TNR: variants seen among roughly 807,000 people sequenced by gnomAD.
TNR encodes the protein tenascin R.
In TNR, 45 loss-of-function variants were observed where a neutral mutation model predicts 150.4. The observed-to-expected ratio is 0.30, with a 90% CI of 0.24 to 0.38. TNR has a LOEUF of 0.38. Ranked by LOEUF, TNR falls within the 10% of genes least tolerant of loss-of-function variation. The pLI, the probability that TNR is intolerant of heterozygous loss-of-function variation, is 1.00. For missense variants in TNR, 1,544 were observed against 1,759.1 expected (o/e 0.88, Z 2.19); for synonymous variants, 687 against 678.4 (o/e 1.01, Z -0.20).
chr1:175,684,625 A>G lies in TNR; in HGVS notation c.-165+58601T>C, dbSNP rs558057573. On this transcript the variant is annotated intron_variant, in intron 1 of 22. Coordinates refer to ENST00000367674, the MANE Select transcript of TNR (RefSeq NM_003285.3). ...AATTTTCCTGCCACACCACCCTGCC[A>G]CAATCCAAAGAGACCCAGTATGAAT... Among the ~76,000 whole-genome samples, 31 of 152,300 alleles carry G rather than the reference A, an allele frequency of 2.0e-4. 2 individuals are homozygous for G. In the South Asian group the frequency reaches 6.4e-3, roughly 32 times the overall value.
intron 1 of TNR, among the ~76,000 whole-genome samples, chr1:175,575,447 C>G (rs907949637): frequency 2.6e-5 from 4 of 152,204 alleles, no homozygotes; most frequent in East Asian, 3.8e-4. Context: ...TAGAAGCATT[C>G]ATGGGTACTC....
At chr1:175,406,098 G>T in intron 3 of TNR, 118 bp downstream of exon 3, 1 of 1,359,972 alleles carries the variant, frequency 7.4e-7, no homozygotes, top group South Asian at 1.4e-5. Flanking sequence ...GAGATGCCGG[G>T]GTTTTGCTGG....
At chr1:175,491,642 C>CTTTTTTTTT (rs60469855) in intron 2 of TNR, among the ~76,000 whole-genome samples, 2 of 85,162 alleles carry the variant, frequency 2.3e-5, no homozygotes, top group East Asian at 3.3e-4. Context: ...CAGGCCCAGA[C>CTTTTTTTTT]TTTTTTTTTT....
chr1:175,429,290 T>A (rs1340826610), intron 2 of TNR, among the ~76,000 whole-genome samples: 2 of 152,218 alleles, frequency 1.3e-5, no homozygotes, highest in Non-Finnish European at 2.9e-5. Flanking sequence ...TATGTAAATA[T>A]AGATTTAGAA....
At chr1:175,563,162 C>T (rs950899249) in intron 1 of TNR, among the ~76,000 whole-genome samples, 7 of 152,178 alleles carry the variant, frequency 4.6e-5, no homozygotes, top group African/African-American at 1.7e-4. Context: ...TCTTTTCCTT[C>T]TTTTAAAGTA....
At chr1:175,344,205 C>G (rs548593824) in intron 18 of TNR, among the ~76,000 whole-genome samples, 2 of 152,148 alleles carry the variant, frequency 1.3e-5, no homozygotes, top group African/African-American at 4.8e-5. Flanking sequence ...TGAATGCAGA[C>G]GAAGGGATGG....
At chr1:175,594,095 C>T (rs1041003245) in intron 1 of TNR, among the ~76,000 whole-genome samples, 5 of 152,134 alleles carry the variant, frequency 3.3e-5, no homozygotes, top group African/African-American at 1.2e-4. Context: ...TTGTTATCTT[C>T]CCAGAGTTCC....
At chr1:175,324,838 G>A (rs967521396) in intron 21 of TNR, among the ~76,000 whole-genome samples, 8 of 152,060 alleles carry the variant, frequency 5.3e-5, no homozygotes, top group African/African-American at 1.9e-4. Context: ...GTGGACACAG[G>A]CCACTCATGG....
At chr1:175,333,324 AAT>A (rs1187474394) in intron 20 of TNR, 3 of 152,222 alleles carry the variant, frequency 2.0e-5, no homozygotes, top group African/African-American at 7.2e-5. Context: ...TATTTCAGAA[AAT>A]ATGACACAAA....
chr1:175,414,289 A>G (rs1460119380), intron 2 of TNR, among the ~76,000 whole-genome samples: 1 of 152,154 alleles, frequency 6.6e-6, no homozygotes, highest in African/African-American at 2.4e-5. Context: ...AGGAAGAAAA[A>G]AAAAAGAGAA....
chr1:175,359,534 T>G (rs1381515640), intron 15 of TNR, 78 bp downstream of exon 15: 1 of 1,607,550 alleles, frequency 6.2e-7, no homozygotes, highest in Non-Finnish European at 8.5e-7. Flanking sequence ...AATGTTTTGT[T>G]TATTCACATC....
rs150822812 is a variant in TNR at position 175,355,775 on chromosome 1, C to A, written c.3119-142G>T. On this transcript the variant is annotated intron_variant, in intron 16 of 22. Coordinates refer to ENST00000367674, the MANE Select transcript of TNR (RefSeq NM_003285.3). ...ACCCCTGCTCTGGCTTGGAAAGGAG[C>A]ATAAAGGGTGCTCCTGGGTCAGATG... The A allele has an allele frequency of 9.6e-6, 11 of 1,148,662 alleles. No homozygotes were observed. The East Asian group carries it at 2.3e-4, about 24-fold the overall frequency. 71.2% of individuals were successfully genotyped at this position (1,148,662 alleles called of 1,614,324 possible). A position where few individuals can be genotyped will look rare whatever the true frequency, so the allele number is the denominator to read the frequency against.
intron 1 of TNR, among the ~76,000 whole-genome samples, chr1:175,586,321 G>A (rs914577912): frequency 3.3e-5 from 5 of 152,008 alleles, no homozygotes; most frequent in Admixed American, 3.3e-4. Context: ...TTTCATTTTT[G>A]TTACTTCTAC....
rs568643045 is a variant in TNR, at chr1:175,321,897, C to A, written c.*1460G>T. Reference sequence around the variant, plus strand: ...CAAAAAAGAAAAAAAAAATCAACCTCTTTCCAGGATTATCAGTCAGGGGTA... The same window carrying A: ...CAAAAAAGAAAAAAAAAATCAACCTATTTCCAGGATTATCAGTCAGGGGTA... On this transcript the variant is annotated 3_prime_UTR_variant, in exon 23 of 23. Coordinates refer to ENST00000367674, the MANE Select transcript of TNR (RefSeq NM_003285.3). 1 of 152,296 alleles carries A rather than the reference C, an allele frequency of 6.6e-6. No individual in the cohort carries two copies. The highest frequency in any genetic ancestry group is 1.9e-4 in the East Asian group (1 of 5,184). The allele number at this position is 152,296 out of a possible 1,614,324, so 9.4% of individuals were successfully genotyped here.
chr1:175,438,499 A>G (rs372264046), intron 2 of TNR, among the ~76,000 whole-genome samples: 2 of 152,162 alleles, frequency 1.3e-5, no homozygotes, highest in South Asian at 4.1e-4. Context: ...CACCACTCCT[A>G]TTCAACATAG....
chr1:175,522,443 T>C (rs1039748361), intron 2 of TNR, among the ~76,000 whole-genome samples: 8 of 152,144 alleles, frequency 5.3e-5, no homozygotes, highest in African/African-American at 1.9e-4. Flanking sequence ...AGACCACAAA[T>C]TGGGTGCGGC....
chr1:175,619,356 C>G (rs1359535971), intron 1 of TNR, among the ~76,000 whole-genome samples: 1 of 152,110 alleles, frequency 6.6e-6, no homozygotes, highest in Admixed American at 6.5e-5. Context: ...GAATGTCAGT[C>G]TAGGATGGCC....
chr1:175,723,368 C>T lies in TNR; in HGVS notation c.-165+19858G>A, dbSNP rs554389910. Among the ~76,000 whole-genome samples, 7 of 152,268 alleles carry T rather than the reference C, an allele frequency of 4.6e-5. No individual in the cohort carries two copies. The East Asian group carries it at 1.4e-3, about 29-fold the overall frequency. On this transcript the variant is annotated intron_variant, in intron 1 of 22. Coordinates refer to ENST00000367674, the MANE Select transcript of TNR (RefSeq NM_003285.3). ...TAGGAGCTCAGCCCTTATCTGCAGT[C>T]TACCTGGGTGTCATCTCCACTCAGT...
At chr1:175,741,434 A>AT (rs1288388568) in intron 1 of TNR, among the ~76,000 whole-genome samples, 1 of 152,156 alleles carries the variant, frequency 6.6e-6, no homozygotes, top group Non-Finnish European at 1.5e-5. Flanking sequence ...CAAGGGCATA[A>AT]TTTTTTAAAA....
Sources: gnomAD v4.1 joint callset for allele counts (sites outside exome capture counted in the v4.1 genomes callset) on GRCh38, gnomAD v4.1.1 for gene constraint, MANE v1.5 for transcripts, NCBI Gene and HGNC (gene_info 2026-07-23, HGNC 2026-07-21) for gene names.